Variants in IL1RAPL2 observed in about 807,000 individuals in gnomAD.
The protein encoded by IL1RAPL2 is X-linked interleukin-1 receptor accessory protein-like 2.
A neutral mutation model predicts 44.1 loss-of-function variants in IL1RAPL2; 3 were observed. That is an observed-to-expected ratio of 0.07 (90% CI 0.03 to 0.18). The LOEUF is 0.18. Ranked by LOEUF, IL1RAPL2 falls within the 10% of genes least tolerant of loss-of-function variation. The pLI is 1.00. For missense variants in IL1RAPL2, 391 were observed against 496.4 expected, an observed-to-expected ratio of 0.79 and a Z score of 2.02; for synonymous variants, 181 against 178.8, an observed-to-expected ratio of 1.01 and a Z score of -0.10.
At position 104,726,916 on chromosome X, in the gene IL1RAPL2, T is replaced by C. The variant is rs193206246; in HGVS notation, c.82+67921T>C. Among the ~76,000 whole-genome samples the C allele has an allele frequency of 3.3e-4, 36 of 109,647 alleles. 1 individual carries two copies. The highest frequency in any genetic ancestry group is 3.2e-3 in the Admixed American group (33 of 10,171). ...GGCTCTTTTTTGTCTTTATATGGATTTTCTATCTCTCATCATATACAGAAA... is the reference window on the plus strand; with the variant it reads ...GGCTCTTTTTTGTCTTTATATGGATCTTCTATCTCTCATCATATACAGAAA... On this transcript the variant is annotated intron_variant, in intron 2 of 10. Transcript: ENST00000372582.
At chrX:105,243,605 A>ATATTT (rs1556211250) in intron 4 of IL1RAPL2, among the ~76,000 whole-genome samples, 7 of 97,400 alleles carry the variant, frequency 7.2e-5, no homozygotes, top group African/African-American at 2.8e-4. Context: ...ATATATATAT[A>ATATTT]TTTTTTTTTT....
intron 2 of IL1RAPL2, among the ~76,000 whole-genome samples, chrX:105,062,508 GTACT>G (rs1423548042): frequency 9.0e-6 from 1 of 111,156 alleles, no homozygotes; most frequent in Non-Finnish European, 1.9e-5. Flanking sequence ...GTGTGTCTTT[GTACT>G]TACTATTACC....
rs746878469 is a variant in IL1RAPL2 at position 104,980,035 on chromosome X, C to T, written c.83-215440C>T. On this transcript the variant is annotated intron_variant, in intron 2 of 10. Transcript: ENST00000372582. ...ACGCATGTTCAAGGGTACTCATTGC[C>T]ACTCTGTTTGTAAAAGCAAAGGACT... Among the ~76,000 whole-genome samples, 18 of 111,924 alleles carry T rather than the reference C, an allele frequency of 1.6e-4. No homozygotes were observed. The South Asian group carries it at 5.5e-3, about 34-fold the overall frequency.
chrX:105,089,054 C>T (rs773413688), intron 2 of IL1RAPL2, among the ~76,000 whole-genome samples: 1 of 111,513 alleles, frequency 9.0e-6, no homozygotes, highest in African/African-American at 3.2e-5. Flanking sequence ...TATAGAATTA[C>T]ATACCATTCA....
At chrX:104,582,869 T>TTTCTTTCTTTCTTTCTTTCTTTTTC (rs34608679) in intron 1 of IL1RAPL2, among the ~76,000 whole-genome samples, 4 of 88,557 alleles carry the variant, frequency 4.5e-5, no homozygotes, top group East Asian at 3.4e-4. Flanking sequence ...TCTTTCTTTC[T>TTTCTTTCTTTCTTTCTTTCTTTTTC]TTTTCTTTTC....
chrX:104,819,466 C>T (rs1231000480), intron 2 of IL1RAPL2, among the ~76,000 whole-genome samples: 1 of 111,981 alleles, frequency 8.9e-6, no homozygotes, highest in Non-Finnish European at 1.9e-5. Flanking sequence ...GTTAGGTTGG[C>T]CTATCTACCC....
chrX:104,734,991 T>G (rs1457798257), intron 2 of IL1RAPL2, among the ~76,000 whole-genome samples: 1 of 111,155 alleles, frequency 9.0e-6, no homozygotes, highest in Non-Finnish European at 1.9e-5. Context: ...AACTGTATTC[T>G]TACTGTAAAT....
At chrX:105,484,444 G>A (rs961545423) in intron 6 of IL1RAPL2, 57 bp downstream of exon 6, 1 of 798,030 alleles carries the variant, frequency 1.3e-6, no homozygotes, top group Non-Finnish European at 1.9e-6. Context: ...AACAGATGGG[G>A]AAAATTGCAT....
intron 1 of IL1RAPL2, among the ~76,000 whole-genome samples, chrX:104,631,483 C>T (rs1436051906): frequency 9.0e-6 from 1 of 111,284 alleles, no homozygotes; most frequent in Non-Finnish European, 1.9e-5. Context: ...TATTTCTCCA[C>T]ATCCTCTCCA....
intron 5 of IL1RAPL2, among the ~76,000 whole-genome samples, chrX:105,298,726 G>A (rs1026421856): frequency 9.1e-6 from 1 of 109,634 alleles, no homozygotes; most frequent in African/African-American, 3.3e-5. Flanking sequence ...TTTTCAGACT[G>A]GGTAGGAAAA....
intron 2 of IL1RAPL2, among the ~76,000 whole-genome samples, chrX:104,966,182 AAGG>A (rs1248549813): frequency 3.6e-5 from 4 of 111,598 alleles, no homozygotes; most frequent in Non-Finnish European, 7.6e-5. Flanking sequence ...AAATGAAGTG[AAGG>A]AGAAGAAACT....
intron 2 of IL1RAPL2, among the ~76,000 whole-genome samples, chrX:104,815,661 T>C (rs1042327867): frequency 1.8e-5 from 2 of 111,941 alleles, no homozygotes; most frequent in African/African-American, 6.5e-5. Context: ...GAGTGAAAGT[T>C]GATACTGTTT....
chrX:105,419,259 C>T (rs772528076), intron 5 of IL1RAPL2, among the ~76,000 whole-genome samples: 2 of 111,612 alleles, frequency 1.8e-5, no homozygotes, highest in South Asian at 3.7e-4. Context: ...ATTATCAATC[C>T]ACTATTACTT....
At chrX:104,593,598 A>C (rs754055831) in intron 1 of IL1RAPL2, among the ~76,000 whole-genome samples, 8 of 112,291 alleles carry the variant, frequency 7.1e-5, no homozygotes, top group Non-Finnish European at 1.5e-4. Flanking sequence ...CAAAAATAAC[A>C]TACAAGTCTG....
intron 5 of IL1RAPL2, among the ~76,000 whole-genome samples, chrX:105,366,729 A>C (rs2147715134): frequency 9.0e-6 from 1 of 111,346 alleles, no homozygotes; most frequent in African/African-American, 3.3e-5. Flanking sequence ...AGTCTTCTTA[A>C]ATTTGTTAAA....
intron 2 of IL1RAPL2, among the ~76,000 whole-genome samples, chrX:104,711,537 A>T (rs1250779059): frequency 9.0e-6 from 1 of 110,777 alleles, no homozygotes; most frequent in Non-Finnish European, 1.9e-5. Flanking sequence ...TAGGAAAATA[A>T]TGAAAGACAA....
intron 2 of IL1RAPL2, among the ~76,000 whole-genome samples, chrX:104,943,281 T>C (rs980936234): frequency 1.8e-5 from 2 of 111,354 alleles, no homozygotes; most frequent in East Asian, 5.6e-4. Context: ...ATGTTTATGT[T>C]GATGACTCCA....
At chrX:105,464,033 C>A (rs746197641) in intron 5 of IL1RAPL2, among the ~76,000 whole-genome samples, 1 of 112,145 alleles carries the variant, frequency 8.9e-6, no homozygotes, top group South Asian at 3.7e-4. Context: ...ATTTATAGTG[C>A]CTAGCACAAT....
chrX:105,754,306 A>G (rs903042673), intron 9 of IL1RAPL2, among the ~76,000 whole-genome samples: 1 of 112,238 alleles, frequency 8.9e-6, no homozygotes, highest in African/African-American at 3.2e-5. Flanking sequence ...TAAAACCTTC[A>G]GAAACTAATA....
Sources: gnomAD v4.1 joint callset for allele counts (sites outside exome capture counted in the v4.1 genomes callset) on GRCh38, gnomAD v4.1.1 for gene constraint, MANE v1.5 for transcripts, NCBI Gene and HGNC (gene_info 2026-07-23, HGNC 2026-07-21) for gene names.